CAST: variants seen among roughly 807,000 people sequenced by gnomAD.
The protein encoded by CAST is calpastatin.
A neutral mutation model predicts 119.6 loss-of-function variants in CAST; 76 were observed. The observed-to-expected ratio is 0.64, with a 90% confidence interval of 0.53 to 0.77. The LOEUF (loss-of-function observed/expected upper bound fraction) is 0.77. Among genes scored for constraint, CAST ranks in the 30% least tolerant of loss-of-function variants. The pLI, the probability that CAST is intolerant of heterozygous loss-of-function variation, is 0.00. For missense variants in CAST, 953 were observed against 946.5 expected, an observed-to-expected ratio of 1.01 and a Z score of -0.09; for synonymous variants, 319 against 331.6, an observed-to-expected ratio of 0.96 and a Z score of 0.41.
At chr5:96,449,693 C>T in the CAST span, among the ~76,000 whole-genome samples, 1 of 152,192 alleles carries the variant, frequency 6.6e-6, no homozygotes, top group Non-Finnish European at 1.5e-5. Context: ...GCCATTTGTC[C>T]AATCTTCTCT....
chr5:96,682,595 G>A (rs1432747705), intron 2 of CAST, among the ~76,000 whole-genome samples: 3 of 151,928 alleles, frequency 2.0e-5, no homozygotes, highest in Non-Finnish European at 4.4e-5. Context: ...TCTCTGTGGT[G>A]GTTTTGAGAG....
At chr5:96,089,457 A>G in the CAST span, among the ~76,000 whole-genome samples, 1 of 152,250 alleles carries the variant, frequency 6.6e-6, no homozygotes, top group South Asian at 2.1e-4. Flanking sequence ...ACAATTTAAC[A>G]AAAGGTCCAC....
the CAST span, among the ~76,000 whole-genome samples, chr5:96,079,796 T>A: frequency 6.6e-6 from 1 of 152,210 alleles, no homozygotes; most frequent in African/African-American, 2.4e-5. Flanking sequence ...ATGTTTTGTT[T>A]CTTAGAAATT....
the CAST span, among the ~76,000 whole-genome samples, chr5:96,141,205 C>T: frequency 3.9e-5 from 6 of 151,962 alleles, no homozygotes; most frequent in Admixed American, 2.0e-4. Context: ...AACTGGTGGC[C>T]AATGGGCCAA....
At chr5:96,407,265 A>G in the CAST span, among the ~76,000 whole-genome samples, 1 of 152,218 alleles carries the variant, frequency 6.6e-6, no homozygotes, top group Non-Finnish European at 1.5e-5. Flanking sequence ...TAAAGCATCT[A>G]GCTTTTGTGA....
At chr5:96,282,353 G>T in the CAST span, among the ~76,000 whole-genome samples, 1 of 152,090 alleles carries the variant, frequency 6.6e-6, no homozygotes, top group Non-Finnish European at 1.5e-5. Context: ...ATCTACTTCC[G>T]CTATCATTTC....
chr5:95,998,825 A>T, the CAST span, among the ~76,000 whole-genome samples: 1 of 152,192 alleles, frequency 6.6e-6, no homozygotes, highest in South Asian at 2.1e-4. Context: ...AGAACTCTCC[A>T]TGCTGCTTTC....
intron 2 of CAST, among the ~76,000 whole-genome samples, chr5:96,693,551 G>T (rs924018503): frequency 6.6e-6 from 1 of 152,226 alleles, no homozygotes; most frequent in African/African-American, 2.4e-5. Flanking sequence ...GTTTGGGACA[G>T]CTGTGTCACA....
chr5:96,171,331 T>G, the CAST span, among the ~76,000 whole-genome samples: 1 of 151,958 alleles, frequency 6.6e-6, no homozygotes, highest in Non-Finnish European at 1.5e-5. Context: ...AGGTTTTAAG[T>G]TTTTGAGAAC....
At chr5:96,049,024 C>T in the CAST span, among the ~76,000 whole-genome samples, 1 of 152,178 alleles carries the variant, frequency 6.6e-6, no homozygotes, top group South Asian at 2.1e-4. Flanking sequence ...ACACGCTGAG[C>T]TGACATCCCC....
chr5:96,513,813 A>G, the CAST span, among the ~76,000 whole-genome samples: 1 of 152,146 alleles, frequency 6.6e-6, no homozygotes, highest in Non-Finnish European at 1.5e-5. Flanking sequence ...AAAATAACAG[A>G]TATTTATTCT....
At chr5:96,172,645 A>G in the CAST span, among the ~76,000 whole-genome samples, 1 of 152,262 alleles carries the variant, frequency 6.6e-6, no homozygotes, top group Admixed American at 6.5e-5. Flanking sequence ...AGAATAAATT[A>G]AAAGACAGAG....
At chr5:96,400,021 G>T in the CAST span, 2 of 1,614,204 alleles carry the variant, frequency 1.2e-6, no homozygotes, top group Non-Finnish European at 1.7e-6. Flanking sequence ...AGGTCCTGGG[G>T]TCAGCTAAAT....
chr5:96,740,061 A>C lies in CAST; in HGVS notation c.822A>C (p.Ile274=). 6.3e-7 allele frequency: 1 copy of C among 1,578,514 alleles called. No homozygotes were observed. Among genetic ancestry groups the C allele is most frequent in the African/African-American group, 1.3e-5 (1 of 74,162 alleles). Residue 274 remains isoleucine (I), a synonymous_variant, in exon 12 of 32, where the codon ATA becomes ATC. Transcript: ENST00000675179. Reference sequence around the variant, plus strand: ...AGGATCCAATGAGTTCCACCTACATAGAGGAATTGGGTAAAAGAGAAGTCA... The same window carrying C: ...AGGATCCAATGAGTTCCACCTACATCGAGGAATTGGGTAAAAGAGAAGTCA... The part of the protein sequence containing the change: ...EVSDPMSSTY[I]EELGKREVTI...
the CAST span, among the ~76,000 whole-genome samples, chr5:96,404,108 T>A: frequency 6.6e-6 from 1 of 152,204 alleles, no homozygotes; most frequent in Non-Finnish European, 1.5e-5. Flanking sequence ...ATGCAAGGAA[T>A]TCCTTCTTCT....
chr5:96,496,590 T>G, the CAST span, among the ~76,000 whole-genome samples: 5 of 152,184 alleles, frequency 3.3e-5, no homozygotes, highest in African/African-American at 7.2e-5. Context: ...TGATTGCAGG[T>G]GGATATCAAA....
intron 3 of CAST, among the ~76,000 whole-genome samples, chr5:96,710,868 T>TA (rs575756523): frequency 0.038 from 5,504 of 145,168 alleles, 334 homozygotes; most frequent in African/African-American, 0.13. Context: ...CCACATCACT[T>TA]AAAAAAAAAA....
At chr5:96,094,920 A>C in the CAST span, among the ~76,000 whole-genome samples, 1 of 152,206 alleles carries the variant, frequency 6.6e-6, no homozygotes, top group Non-Finnish European at 1.5e-5. Context: ...TCTTCCTTAT[A>C]GTTATTTAAA....
At chr5:95,967,619 TG>T in the CAST span, among the ~76,000 whole-genome samples, 5 of 152,110 alleles carry the variant, frequency 3.3e-5, no homozygotes, top group Non-Finnish European at 1.5e-5. Flanking sequence ...TCACAAGATC[TG>T]ATGGTTTTAT....
Sources: gnomAD v4.1 joint callset for allele counts (sites outside exome capture counted in the v4.1 genomes callset) on GRCh38, gnomAD v4.1.1 for gene constraint, MANE v1.5 for transcripts, NCBI Gene and HGNC (gene_info 2026-07-23, HGNC 2026-07-21) for gene names.